ARNT: variants seen among roughly 807,000 people sequenced by gnomAD.
ARNT encodes aryl hydrocarbon receptor nuclear translocator.
In ARNT, 30 loss-of-function variants were observed where a neutral mutation model predicts 105.0. The ratio of observed to expected loss-of-function variants is 0.29; its 90% CI spans 0.21 to 0.39. The LOEUF (loss-of-function observed/expected upper bound fraction) is 0.39, where lower values mean the gene tolerates loss of function less well. ARNT is among the 10% of genes least tolerant of loss of function. The probability of loss-of-function intolerance (pLI) is 1.00; values close to 1 mark genes in which losing one functional copy is unlikely to be tolerated. For missense variants in ARNT, 748 were observed against 978.7 expected, an observed-to-expected ratio of 0.76 and a Z score of 3.15; for synonymous variants, 304 against 344.0, an observed-to-expected ratio of 0.88 and a Z score of 1.29.
intron 3 of ARNT, among the ~76,000 whole-genome samples, chr1:150,850,706 C>G (rs185575642): frequency 2.6e-5 from 4 of 152,214 alleles, no homozygotes; most frequent in African/African-American, 9.6e-5. Context: ...GCCGCCACCC[C>G]GTCTGGGAAG....
At chr1:150,818,894 T>C (rs1198822718) in intron 14 of ARNT, among the ~76,000 whole-genome samples, 1 of 151,538 alleles carries the variant, frequency 6.6e-6, no homozygotes, top group East Asian at 1.9e-4. Flanking sequence ...TTAAACAAAA[T>C]GGAAACACAA....
chr1:150,858,552 T>C, intron 1 of ARNT, 92 bp from the exon 2 acceptor site: 1 of 1,011,378 alleles, frequency 9.9e-7, no homozygotes, highest in Non-Finnish European at 1.5e-6. Flanking sequence ...AGGTTCAAGC[T>C]ATAGACAAAA....
At chr1:150,867,949 G>A (rs587707082) in intron 1 of ARNT, among the ~76,000 whole-genome samples, 63 of 152,092 alleles carry the variant, frequency 4.1e-4, no homozygotes, top group Admixed American at 1.8e-3. Flanking sequence ...TACAGCCTGC[G>A]GAACTATGAG....
chr1:150,842,389 C>T (rs764922089), intron 5 of ARNT, 35 bp downstream of exon 5: 4 of 1,601,582 alleles, frequency 2.5e-6, no homozygotes, highest in Middle Eastern at 1.7e-4. Flanking sequence ...GCAGCATCAT[C>T]TGCTTCATCA....
intron 14 of ARNT, among the ~76,000 whole-genome samples, chr1:150,819,159 C>G (rs1656552168): frequency 6.6e-6 from 1 of 151,578 alleles, no homozygotes; most frequent in Admixed American, 6.6e-5. Context: ...AAGGCCAATT[C>G]TACAGAAAGA....
At chr1:150,843,672 A>G (rs1258077339) in intron 4 of ARNT, among the ~76,000 whole-genome samples, 2 of 152,126 alleles carry the variant, frequency 1.3e-5, no homozygotes, top group East Asian at 3.9e-4. Flanking sequence ...CAAAAAGTTG[A>G]GCAACTTTTG....
chr1:150,858,720 C>T (rs1665071089), intron 1 of ARNT, among the ~76,000 whole-genome samples: 1 of 150,942 alleles, frequency 6.6e-6, no homozygotes, highest in Admixed American at 6.6e-5. Flanking sequence ...CTCCTGGGCT[C>T]AAGCAATCCT....
chr1:150,817,367 A>G lies in ARNT; in HGVS notation c.1572T>C (p.His524=). The G allele has an allele frequency of 6.2e-7, 1 of 1,614,196 alleles. No homozygotes were observed. The highest frequency in any genetic ancestry group is 8.5e-7 in the Non-Finnish European group (1 of 1,180,016). Residue 524 remains histidine (H), a synonymous_variant, in exon 16 of 22, where the codon CAT becomes CAC. Transcript: ENST00000358595. ...CGAAGAGGACACAACTCACCTGGGA[A>G]TGATTGTAGCTGGCCAGTCCATCTC... is the stretch of plus-strand genomic sequence containing the variant. The part of the protein sequence containing the change: ...PGRDGLASYN[H]SQVVQPVTTT...
chr1:150,840,243 A>AAAAAAAC (rs374049564), intron 5 of ARNT, among the ~76,000 whole-genome samples: 1 of 149,536 alleles, frequency 6.7e-6, no homozygotes, highest in African/African-American at 2.6e-5. Flanking sequence ...TCCATTTCAA[A>AAAAAAAC]AAAAAACAAA....
chr1:150,861,309 A>G, intron 1 of ARNT: 1 of 422,058 alleles, frequency 2.4e-6, no homozygotes, highest in Non-Finnish European at 4.6e-6. Flanking sequence ...CAGGCTGGGA[A>G]ACACAGCAAG....
In ARNT at chr1:150,809,803, CCT is replaced by C. The variant is rs938113731; in HGVS notation, c.*2216_*2217del. The C allele has an allele frequency of 2.7e-5, 6 of 221,036 alleles. No individual in the cohort carries two copies. Among genetic ancestry groups the C allele is most frequent in the African/African-American group, 1.1e-4 (5 of 44,562 alleles). The allele number at this position is 221,036 out of a possible 1,614,324, so 13.7% of individuals were successfully genotyped here. A position where few individuals can be genotyped will look rare whatever the true frequency, so the allele number is the denominator to read the frequency against. Reference sequence around the variant, plus strand: ...GTGGTTTTCAAGTCCCGACTCTTCCCCTCTCTCCCAAGAACCCAGGCAACGCC... The same window carrying C: ...GTGGTTTTCAAGTCCCGACTCTTCCCCTCTCCCAAGAACCCAGGCAACGCC... On this transcript the variant is annotated 3_prime_UTR_variant, in exon 22 of 22. Transcript: ENST00000358595.
chr1:150,862,145 T>C (rs1174045319), intron 1 of ARNT, among the ~76,000 whole-genome samples: 1 of 152,198 alleles, frequency 6.6e-6, no homozygotes. Flanking sequence ...TTTTAACAGT[T>C]ACATAGTACT....
chr1:150,861,672 A>G (rs1354745605), intron 1 of ARNT, among the ~76,000 whole-genome samples: 3 of 152,148 alleles, frequency 2.0e-5, no homozygotes, highest in Non-Finnish European at 1.5e-5. Context: ...TTGGCCATAC[A>G]TGTGGTATGT....
At position 150,816,767 on chromosome 1, in the gene ARNT, GC is replaced by G. The variant is rs759562100; in HGVS notation, c.1802+20del. On this transcript the variant is annotated intron_variant, in intron 18 of 21. Coordinates refer to ENST00000358595, the MANE Select transcript of ARNT (RefSeq NM_001668.4). ...GAATCCCTCAGGGCCCTGTAAAGCA[GC>G]ACATATATACGGGGCTCACCTGAAA... 3.9e-6 allele frequency: 6 copies of G among 1,558,116 alleles called. No homozygotes were observed. In the East Asian group the frequency reaches 1.4e-4, roughly 35 times the overall value.
intron 3 of ARNT, among the ~76,000 whole-genome samples, chr1:150,850,476 G>A (rs1663141393): frequency 6.6e-6 from 1 of 152,248 alleles, no homozygotes; most frequent in African/African-American, 2.4e-5. Context: ...TGGAGACGGG[G>A]TTTCGCTGGG....
In ARNT at chr1:150,813,287, C is replaced by A; in HGVS notation, c.2165G>T (p.Gly722Val). The change falls in exon 21 of 22, where the codon GGT (glycine) becomes GTT (valine). Residue 722 changes from glycine to valine, a missense_variant. Gly to Val is a moderately radical substitution (Grantham distance 109, BLOSUM62 -3). Around this residue, in one of 4 missense-constraint regions of ARNT, gnomAD observed 360 missense variants for 411.9 expected, o/e 0.87. Transcript: ENST00000358595. ...CTGCCACTGTGGCCAGACACCCACA[C>A]CCTCTGCTGTCCGTGTCTGGAATTG... ...AGQFQTRTAE[G>V]VGVWPQWQGQ... 3.7e-6 allele frequency: 6 copies of A among 1,613,878 alleles called. No individual in the cohort carries two copies. The highest frequency in any genetic ancestry group is 4.2e-6 in the Non-Finnish European group (5 of 1,179,914).
chr1:150,862,126 G>C (rs890338364), intron 1 of ARNT, among the ~76,000 whole-genome samples: 2 of 152,062 alleles, frequency 1.3e-5, no homozygotes, highest in South Asian at 2.1e-4. Flanking sequence ...TACACACGTA[G>C]ATCATTCTTT....
rs905790950 is a variant in ARNT, at chr1:150,814,273, T to A, written c.1951-34A>T. 1.9e-6 allele frequency: 3 copies of A among 1,604,546 alleles called. No homozygotes were observed. In the African/African-American group the frequency reaches 4.0e-5, roughly 21 times the overall value. Reference sequence around the variant, plus strand: ...AGATGGAGAGGGGATATAGAACAAATACAGCATTAACATCATTGCACATAC... The same window carrying A: ...AGATGGAGAGGGGATATAGAACAAAAACAGCATTAACATCATTGCACATAC... On this transcript the variant is annotated intron_variant, in intron 19 of 21. Coordinates refer to ENST00000358595, the MANE Select transcript of ARNT (RefSeq NM_001668.4).
chr1:150,839,767 A>G, intron 5 of ARNT, 113 bp from the exon 6 acceptor site: 1 of 1,121,248 alleles, frequency 8.9e-7, no homozygotes, highest in Non-Finnish European at 1.3e-6. Context: ...ATTCAGATTT[A>G]GTGATGCTTA....
Sources: allele counts gnomAD v4.1 joint callset (sites outside exome capture counted in the v4.1 genomes callset), GRCh38; gene constraint gnomAD v4.1.1; regional missense constraint gnomAD v4.1.1; transcripts MANE v1.5; gene names NCBI Gene and HGNC (gene_info 2026-07-23, HGNC 2026-07-21).